Variants in ANO1 observed in about 807,000 individuals in gnomAD.
The protein encoded by ANO1 is anoctamin-1.
ANO1 carries 59 observed loss-of-function variants against 124.0 expected under a neutral mutation model. The observed-to-expected ratio is 0.48, with a 90% CI of 0.39 to 0.59. The LOEUF is 0.59. ANO1 is among the 20% of genes least tolerant of loss of function. The probability of loss-of-function intolerance (pLI) is 0.00; values close to 1 mark genes in which losing one functional copy is unlikely to be tolerated. For synonymous variants in ANO1, 529 were observed against 532.0 expected, an observed-to-expected ratio of 0.99 and a Z score of 0.08; for missense variants, 1,059 against 1,328.0, an observed-to-expected ratio of 0.80 and a Z score of 3.15.
chr11:70,085,461 C>T, intron 1 of ANO1: 1 of 1,535,692 alleles, frequency 6.5e-7, no homozygotes, highest in Non-Finnish European at 8.7e-7. Flanking sequence ...CACAGCGGGG[C>T]CCTGTGTTAC....
chr11:70,081,504 C>T (rs1365595584), intron 1 of ANO1, among the ~76,000 whole-genome samples: 2 of 152,182 alleles, frequency 1.3e-5, no homozygotes, highest in African/African-American at 4.8e-5. Context: ...CTGATGTTCC[C>T]TTCTTAACTA....
the ANO1 span, among the ~76,000 whole-genome samples, chr11:69,980,041 A>G: frequency 6.6e-6 from 1 of 152,022 alleles, no homozygotes; most frequent in African/African-American, 2.4e-5. Context: ...CTTCCTCTCC[A>G]CTTTCAGTAG....
At chr11:70,178,607 A>G (rs564329089) in intron 22 of ANO1, among the ~76,000 whole-genome samples, 1 of 148,380 alleles carries the variant, frequency 6.7e-6, no homozygotes, top group South Asian at 2.1e-4. Flanking sequence ...TCTGTTGCCC[A>G]TGCTGGAATG....
At chr11:70,078,966 C>T (rs2044119592) in intron 1 of ANO1, among the ~76,000 whole-genome samples, 1 of 151,974 alleles carries the variant, frequency 6.6e-6, no homozygotes, top group South Asian at 2.1e-4. Flanking sequence ...AGCGCCGGGC[C>T]CCCAGGCATG....
At chr11:70,155,765 C>T (rs1186009108) in intron 14 of ANO1, 146 bp from the exon 15 acceptor site, 11 of 649,016 alleles carry the variant, frequency 1.7e-5, no homozygotes, top group African/African-American at 3.8e-5. Context: ...GCCCAGAACC[C>T]GAGTCAGCCT....
intron 1 of ANO1, among the ~76,000 whole-genome samples, chr11:70,020,147 C>G (rs1856774236): frequency 6.6e-6 from 1 of 152,214 alleles, no homozygotes; most frequent in Non-Finnish European, 1.5e-5. Flanking sequence ...TTTGAGGGTA[C>G]TCTTGTGGAT....
chr11:70,010,009 G>A (rs1856561184), intron 1 of ANO1, among the ~76,000 whole-genome samples: 1 of 151,740 alleles, frequency 6.6e-6, no homozygotes, highest in Non-Finnish European at 1.5e-5. Flanking sequence ...ACTTATAGGT[G>A]AGAACATACA....
chr11:70,157,558 G>A (rs1325201347), intron 16 of ANO1, among the ~76,000 whole-genome samples: 3 of 152,078 alleles, frequency 2.0e-5, no homozygotes, highest in Admixed American at 6.6e-5. Context: ...GGCTTCACAC[G>A]CCAGGGAGTA....
Position 70,104,147 on chromosome 11 carries a change from A to G in ANO1, c.689A>G (p.His230Arg), listed in dbSNP as rs2045393929. The G allele has an allele frequency of 1.9e-6, 3 of 1,611,878 alleles. No homozygotes were observed. The highest frequency in any genetic ancestry group is 8.5e-7 in the Non-Finnish European group (1 of 1,178,932). ...TATCCCTTCTCCCGGGAGAAGCAGC[A>G]TCTGTAAGTGGGGACCCCCAGCCTG... is the stretch of plus-strand genomic sequence containing the variant. Reference protein sequence around the residue: ...LSYPFSREKQHLFDLSDKDSF... With the variant: ...LSYPFSREKQRLFDLSDKDSF... Residue 230 changes from histidine (H) to arginine (R), a missense_variant, in exon 4 of 26, where the codon CAT becomes CGT. Coordinates refer to ENST00000355303, the MANE Select transcript of ANO1 (RefSeq NM_018043.7).
chr11:70,048,165 A>G (rs1857289961), intron 1 of ANO1, among the ~76,000 whole-genome samples: 1 of 152,214 alleles, frequency 6.6e-6, no homozygotes, highest in African/African-American at 2.4e-5. Flanking sequence ...ATTCCATTTT[A>G]TTTCAACTGT....
intron 11 of ANO1, among the ~76,000 whole-genome samples, chr11:70,147,149 G>A (rs944719457): frequency 2.6e-5 from 4 of 152,246 alleles, no homozygotes; most frequent in Non-Finnish European, 5.9e-5. Context: ...AGAAAGCGTC[G>A]TAAAAGGGCG....
upstream of ANO1, among the ~76,000 whole-genome samples, chr11:69,981,415 C>T (rs543994506): frequency 3.7e-4 from 56 of 152,340 alleles, no homozygotes; most frequent in African/African-American, 1.3e-3. Context: ...GCGCTTGGAA[C>T]GGGGCCTGGC....
chr11:70,161,834 C>T, intron 18 of ANO1, 101 bp downstream of exon 18: 1 of 1,179,368 alleles, frequency 8.5e-7, no homozygotes, highest in Non-Finnish European at 1.2e-6. Context: ...CAGGGCAGGG[C>T]AGACACCGTG....
intron 6 of ANO1, among the ~76,000 whole-genome samples, chr11:70,109,309 G>A (rs1254845773): frequency 6.6e-6 from 1 of 152,194 alleles, no homozygotes; most frequent in Non-Finnish European, 1.5e-5. Context: ...TCAAGGGCTC[G>A]GAACTGGAAT....
At chr11:70,129,869 T>C (rs2046675218) in intron 10 of ANO1, among the ~76,000 whole-genome samples, 1 of 152,182 alleles carries the variant, frequency 6.6e-6, no homozygotes, top group Non-Finnish European at 1.5e-5. Context: ...GTGATCTGCC[T>C]GCCTCGGCCT....
At chr11:70,146,135 A>G (rs537019739) in intron 11 of ANO1, among the ~76,000 whole-genome samples, 49 of 152,260 alleles carry the variant, frequency 3.2e-4, no homozygotes, top group African/African-American at 1.1e-3. Flanking sequence ...ATATCTGCAC[A>G]GAGAGTTGGT....
chr11:70,018,654 A>G (rs1436974075), intron 1 of ANO1, among the ~76,000 whole-genome samples: 1 of 152,192 alleles, frequency 6.6e-6, no homozygotes, highest in African/African-American at 2.4e-5. Context: ...AGCAGAAAAT[A>G]AAGTGTTTTT....
At chr11:70,181,387 C>T (rs1403526276) in intron 23 of ANO1, among the ~76,000 whole-genome samples, 1 of 152,210 alleles carries the variant, frequency 6.6e-6, no homozygotes, top group African/African-American at 2.4e-5. Flanking sequence ...GTGCCCTTTC[C>T]CGGTGGGCAA....
intron 2 of ANO1, among the ~76,000 whole-genome samples, chr11:70,091,745 G>C (rs2044634589): frequency 1.3e-5 from 2 of 152,210 alleles, no homozygotes; most frequent in Admixed American, 1.3e-4. Context: ...GGGCGCCGGT[G>C]GGTGGGACAC....
Sources: allele counts gnomAD v4.1 joint callset (sites outside exome capture counted in the v4.1 genomes callset), GRCh38; gene constraint gnomAD v4.1.1; transcripts MANE v1.5; gene names NCBI Gene and HGNC (gene_info 2026-07-23, HGNC 2026-07-21).